PUDP: variants seen among roughly 807,000 people sequenced by gnomAD.
PUDP encodes the protein pseudouridine-5'-phosphatase.
Under a neutral mutation model 9.4 loss-of-function variants are expected in PUDP, and 8 were observed. That is an observed-to-expected ratio of 0.85 (90% confidence interval 0.50 to 1.53). The LOEUF is 1.53. PUDP is among the 40% of genes most tolerant of loss of function. PUDP has a pLI of 0.00. For synonymous variants in PUDP, 99 were observed against 80.7 expected (o/e 1.23, Z -1.22); for missense variants, 188 against 189.7 (o/e 0.99, Z 0.05).
At chrX:6,864,413 C>G (rs1311622328) in intron 3 of PUDP, among the ~76,000 whole-genome samples, 1 of 112,126 alleles carries the variant, frequency 8.9e-6, no homozygotes, top group Admixed American at 9.5e-5. Context: ...GGTCCAGCCC[C>G]ACTTTTTGGA....
chrX:6,934,607 G>A (rs1314149608), intron 3 of PUDP, among the ~76,000 whole-genome samples: 1 of 107,225 alleles, frequency 9.3e-6, no homozygotes, highest in Admixed American at 1.0e-4. Flanking sequence ...ACATCATAAT[G>A]ACAGGATCAA....
chrX:7,105,095 T>C (rs781118232), intron 2 of PUDP, among the ~76,000 whole-genome samples: 2 of 111,265 alleles, frequency 1.8e-5, no homozygotes, highest in South Asian at 7.6e-4. Flanking sequence ...GTTTTTCCTT[T>C]CCGAAGAAAA....
intron 1 of PUDP, among the ~76,000 whole-genome samples, chrX:7,146,921 G>A (rs1201137291): frequency 1.9e-5 from 2 of 103,860 alleles, no homozygotes; most frequent in African/African-American, 3.6e-5. Context: ...AATGATATAC[G>A]TAACCAAGCA....
Position 6,846,898 on chromosome X carries a change from T to C in PUDP, c.*247+130235A>G, listed in dbSNP as rs1044345131. ...CTTCTGTGCTCTGTCATAATTTATA[T>C]GCAGGGATCATGCCTAGTTTCACCA... On this transcript the variant is annotated intron_variant and NMD_transcript_variant, in intron 3 of 3. Coordinates refer to the PUDP transcript ENST00000655425. Among the ~76,000 whole-genome samples, 3 of 111,241 alleles carry C rather than the reference T, an allele frequency of 2.7e-5. 1 individual carries two copies. The highest frequency in any genetic ancestry group is 1.9e-4 in the Admixed American group (2 of 10,412).
chrX:6,726,299 G>A (rs1233958639), upstream of PUDP, among the ~76,000 whole-genome samples: 2 of 111,773 alleles, frequency 1.8e-5, no homozygotes, highest in Non-Finnish European at 3.8e-5. Flanking sequence ...AGACTAGGGA[G>A]AGGTTGGTTA....
intron 1 of PUDP, among the ~76,000 whole-genome samples, chrX:7,031,646 G>A (rs1418816172): frequency 3.6e-5 from 4 of 112,143 alleles, no homozygotes; most frequent in Non-Finnish European, 5.6e-5. Context: ...TGCCACTTAC[G>A]CAGTCCATTG....
chrX:6,798,529 G>C (rs1925880201), intron 3 of PUDP, among the ~76,000 whole-genome samples: 1 of 111,529 alleles, frequency 9.0e-6, no homozygotes, highest in Non-Finnish European at 1.9e-5. Context: ...AAGGGTAAAA[G>C]AAAGGTAATT....
At chrX:7,086,931 G>A (rs1186670955) in intron 2 of PUDP, among the ~76,000 whole-genome samples, 1 of 112,006 alleles carries the variant, frequency 8.9e-6, no homozygotes, top group East Asian at 2.8e-4. Flanking sequence ...AGAGGAGCAA[G>A]GCTCTGGCAA....
chrX:7,112,433 G>C (rs751057757), intron 1 of PUDP, among the ~76,000 whole-genome samples: 1 of 112,184 alleles, frequency 8.9e-6, no homozygotes, highest in East Asian at 2.8e-4. Flanking sequence ...TGTGCATCTT[G>C]CACAACTGAA....
chrX:7,123,584 A>T (rs775536405), intron 1 of PUDP, among the ~76,000 whole-genome samples: 2 of 112,118 alleles, frequency 1.8e-5, no homozygotes, highest in East Asian at 5.6e-4. Flanking sequence ...AAAGGTAGAG[A>T]TTGAAGAATG....
chrX:7,127,650 G>A (rs1325904567), intron 1 of PUDP, among the ~76,000 whole-genome samples: 4 of 112,451 alleles, frequency 3.6e-5, no homozygotes, highest in African/African-American at 1.3e-4. Context: ...AAAGCAGCAA[G>A]ACCACTGAAT....
At chrX:6,978,972 C>T (rs986863048) in intron 1 of PUDP, among the ~76,000 whole-genome samples, 2 of 112,144 alleles carry the variant, frequency 1.8e-5, no homozygotes, top group African/African-American at 6.5e-5. Flanking sequence ...ACACCATATA[C>T]GCAGAAATCA....
intron 1 of PUDP, among the ~76,000 whole-genome samples, chrX:7,111,526 G>C (rs1240181592): frequency 9.0e-6 from 1 of 111,077 alleles, no homozygotes; most frequent in African/African-American, 3.3e-5. Flanking sequence ...AGATGCTTTA[G>C]GTGTGGGAGG....
intron 1 of PUDP, among the ~76,000 whole-genome samples, chrX:7,018,959 TTTAAGATAATAA>T (rs1929590883): frequency 1.8e-5 from 2 of 112,686 alleles, no homozygotes; most frequent in Admixed American, 1.9e-4. Flanking sequence ...CTAATTTTGC[TTTAAGATAATAA>T]TGTTGATTCT....
intron 3 of PUDP, among the ~76,000 whole-genome samples, chrX:6,897,773 G>A (rs891392043): frequency 1.8e-5 from 2 of 111,137 alleles, no homozygotes; most frequent in African/African-American, 3.3e-5. Context: ...CCGTGTCTTC[G>A]CATGGTGGGA....
intron 3 of PUDP, among the ~76,000 whole-genome samples, chrX:6,841,203 G>T (rs961296302): frequency 9.1e-6 from 1 of 109,380 alleles, no homozygotes; most frequent in Non-Finnish European, 1.9e-5. Context: ...CTTGAACCCA[G>T]GAGGCAGAGG....
chrX:6,828,276 T>C (rs1400867938), intron 3 of PUDP, among the ~76,000 whole-genome samples: 1 of 111,962 alleles, frequency 8.9e-6, no homozygotes, highest in Non-Finnish European at 1.9e-5. Context: ...CATACTTGTT[T>C]GTCTACTGAT....
downstream of PUDP, among the ~76,000 whole-genome samples, chrX:7,047,398 C>T (rs1196129025): frequency 2.7e-5 from 3 of 112,137 alleles, no homozygotes; most frequent in Admixed American, 9.5e-5. Flanking sequence ...AAAACAATTA[C>T]AATCCATGGA....
chrX:7,013,919 T>C (rs1251360849), intron 1 of PUDP, among the ~76,000 whole-genome samples: 1 of 111,720 alleles, frequency 9.0e-6, no homozygotes, highest in African/African-American at 3.3e-5. Flanking sequence ...TATTCCCAGC[T>C]TTTGCCCAGT....
Sources: allele counts gnomAD v4.1 joint callset (sites outside exome capture counted in the v4.1 genomes callset), GRCh38; gene constraint gnomAD v4.1.1; transcripts MANE v1.5; gene names NCBI Gene and HGNC (gene_info 2026-07-23, HGNC 2026-07-21).